Variants in COL23A1 observed in about 807,000 individuals in gnomAD.
COL23A1 encodes the protein collagen type XXIII alpha 1 chain, also known as collagen alpha-1(XXIII) chain.
COL23A1 carries 97 observed loss-of-function variants against 99.3 expected under a neutral mutation model. The observed-to-expected ratio is 0.98, with a 90% confidence interval of 0.83 to 1.16. The LOEUF (loss-of-function observed/expected upper bound fraction) is 1.16, where lower values mean the gene tolerates loss of function less well. COL23A1 is among the 50% of genes most tolerant of loss of function. The pLI is 0.00. For synonymous variants in COL23A1, 320 were observed against 308.2 expected, an observed-to-expected ratio of 1.04 and a Z score of -0.40; for missense variants, 762 against 757.4, an observed-to-expected ratio of 1.01 and a Z score of -0.07.
Position 178,330,887 on chromosome 5 carries a change from C to T in COL23A1, c.362-23968G>A, listed in dbSNP as rs200553945. Among the ~76,000 whole-genome samples, 472 of 152,316 alleles carry T rather than the reference C, an allele frequency of 3.1e-3. 1 individual carries two copies. Among genetic ancestry groups the T allele is most frequent in the Non-Finnish European group, 5.8e-3 (395 of 68,030 alleles). ...TGGCTACTTCTTGTCACTCAGGTCT[C>T]AGCTCAGTGTCACTTCATCAAAGAG... On this transcript the variant is annotated intron_variant, in intron 2 of 28. Transcript: ENST00000390654.
At chr5:178,535,569 C>T (rs1393190654) in intron 2 of COL23A1, among the ~76,000 whole-genome samples, 1 of 152,268 alleles carries the variant, frequency 6.6e-6, no homozygotes, top group Non-Finnish European at 1.5e-5. Flanking sequence ...AACCCTGGTG[C>T]CTCAGCCCCT....
chr5:178,305,581 G>T (rs1000749474), intron 3 of COL23A1, among the ~76,000 whole-genome samples: 1 of 152,230 alleles, frequency 6.6e-6, no homozygotes, highest in African/African-American at 2.4e-5. Flanking sequence ...AACCATTAGA[G>T]GTTTTTTTGG....
At chr5:178,386,387 T>C (rs1763674261) in intron 2 of COL23A1, among the ~76,000 whole-genome samples, 1 of 151,226 alleles carries the variant, frequency 6.6e-6, no homozygotes, top group South Asian at 2.1e-4. Flanking sequence ...TGCAGTGAGC[T>C]GAGATTGCAC....
intron 2 of COL23A1, among the ~76,000 whole-genome samples, chr5:178,498,305 C>T (rs1758343346): frequency 7.2e-6 from 1 of 139,086 alleles, no homozygotes. Flanking sequence ...TAAAGAAACA[C>T]ATTTTACCTT....
At chr5:178,245,250 CTCA>C (rs1764617759) in intron 25 of COL23A1, among the ~76,000 whole-genome samples, 2 of 144,342 alleles carry the variant, frequency 1.4e-5, no homozygotes, top group South Asian at 2.3e-4. Flanking sequence ...CACCCATCCA[CTCA>C]TCATCTATCA....
rs115842060 is a variant in COL23A1, at chr5:178,421,270, C to T, written c.362-114351G>A. 6.8e-3 allele frequency among the ~76,000 whole-genome samples: 1,038 copies of T among 152,284 alleles called. 17 individuals are homozygous for T. The highest frequency in any genetic ancestry group is 0.024 in the African/African-American group (982 of 41,540). Reference sequence around the variant, plus strand: ...ATTTCTCTATAGGAGAAGAGCAACACGTAACTGGGCAGACACTGGACTTGG... The same window carrying T: ...ATTTCTCTATAGGAGAAGAGCAACATGTAACTGGGCAGACACTGGACTTGG... On this transcript the variant is annotated intron_variant, in intron 2 of 28. Transcript: ENST00000390654.
At chr5:178,303,355 C>T (rs778727416) in intron 3 of COL23A1, among the ~76,000 whole-genome samples, 2 of 152,196 alleles carry the variant, frequency 1.3e-5, no homozygotes, top group African/African-American at 4.8e-5. Context: ...TAAAATGCTA[C>T]AAATCTTACT....
chr5:178,449,940 A>G lies in COL23A1; in HGVS notation c.361+110742T>C, dbSNP rs577938128. On this transcript the variant is annotated intron_variant, in intron 2 of 28. Transcript: ENST00000390654. Reference sequence around the variant, plus strand: ...GACCGTATACCCGGCGCAGAAGAACAACACCTGACCTCCATTAACAGTGTC... The same window carrying G: ...GACCGTATACCCGGCGCAGAAGAACGACACCTGACCTCCATTAACAGTGTC... 5.3e-5 allele frequency among the ~76,000 whole-genome samples: 8 copies of G among 152,208 alleles called. No homozygotes were observed. In the South Asian group the frequency reaches 1.7e-3, roughly 32 times the overall value.
chr5:178,588,799 C>A (rs1764124510), intron 1 of COL23A1, among the ~76,000 whole-genome samples: 1 of 152,176 alleles, frequency 6.6e-6, no homozygotes, highest in Non-Finnish European at 1.5e-5. Context: ...CAGCTGGATA[C>A]GTTAATAAAG....
intron 19 of COL23A1, among the ~76,000 whole-genome samples, chr5:178,248,614 C>T (rs1157151950): frequency 1.3e-5 from 2 of 152,148 alleles, no homozygotes; most frequent in Non-Finnish European, 1.5e-5. Flanking sequence ...CTCTTCCAGT[C>T]GGGCCACAAA....
chr5:178,304,670 C>T (rs1034624024), intron 3 of COL23A1, among the ~76,000 whole-genome samples: 3 of 152,168 alleles, frequency 2.0e-5, no homozygotes, highest in African/African-American at 4.8e-5. Flanking sequence ...CAGAGAGGCA[C>T]GTCTGTTCTG....
At chr5:178,364,403 G>A (rs1474359623) in intron 2 of COL23A1, among the ~76,000 whole-genome samples, 1 of 151,766 alleles carries the variant, frequency 6.6e-6, no homozygotes, top group African/African-American at 2.4e-5. Flanking sequence ...TGAGCTGAGG[G>A]TGAAGCAGGC....
chr5:178,557,726 A>C (rs1762352801), intron 2 of COL23A1, among the ~76,000 whole-genome samples: 1 of 152,226 alleles, frequency 6.6e-6, no homozygotes, highest in African/African-American at 2.4e-5. Flanking sequence ...CCCGAGGGAC[A>C]CGCTGGAGAG....
At chr5:178,543,756 A>T (rs560867180) in intron 2 of COL23A1, among the ~76,000 whole-genome samples, 1 of 152,250 alleles carries the variant, frequency 6.6e-6, no homozygotes. Context: ...AATACTATGA[A>T]TTGCATGGCT....
Position 178,439,395 on chromosome 5 carries a change from C to T in COL23A1, c.361+121287G>A. The stretch of plus-strand genomic sequence containing the variant: ...CTTCCATGCCAGACCCTGTTGAACA[C>T]ATCCCTGGACTCCAGCTCCTTGTCT... On this transcript the variant is annotated intron_variant, in intron 2 of 28. Transcript: ENST00000390654. The surrounding 1 kb of genome is among the most constrained non-coding windows in gnomAD (Gnocchi z 4.2). The T allele has an allele frequency of 6.6e-6, 1 of 152,390 alleles. No individual in the cohort carries two copies. Among genetic ancestry groups the T allele is most frequent in the Non-Finnish European group, 1.5e-5 (1 of 68,102 alleles). The allele number at this position is 152,390 out of a possible 1,614,324, so 9.4% of individuals were successfully genotyped here.
chr5:178,286,872 A>G (rs1419442403), intron 5 of COL23A1, among the ~76,000 whole-genome samples: 3 of 152,060 alleles, frequency 2.0e-5, no homozygotes, highest in Non-Finnish European at 4.4e-5. Flanking sequence ...CAGAGGAAAC[A>G]ATGGAGAAGA....
chr5:178,358,539 T>TGC (rs1761962631), intron 2 of COL23A1, among the ~76,000 whole-genome samples: 1 of 119,108 alleles, frequency 8.4e-6, no homozygotes, highest in Admixed American at 8.7e-5. Context: ...CTAGTGTGTG[T>TGC]ATGTGTGTGT....
Position 178,255,162 on chromosome 5 carries a change from C to T in COL23A1, c.883-136G>A, listed in dbSNP as rs1765237070. Reference sequence around the variant, plus strand: ...TCACCCAGGCTGCACGCATGCCCCTCCCCAGGGTGGATGGAGGGAACGGGA... The same window carrying T: ...TCACCCAGGCTGCACGCATGCCCCTTCCCAGGGTGGATGGAGGGAACGGGA... On this transcript the variant is annotated intron_variant, in intron 15 of 28. Transcript: ENST00000390654. The surrounding 1 kb of genome is among the most constrained non-coding windows in gnomAD (Gnocchi z 4.2). 4.2e-6 allele frequency: 3 copies of T among 711,744 alleles called. No homozygotes were observed. Among genetic ancestry groups the T allele is most frequent in the Non-Finnish European group, 7.3e-6 (3 of 409,492 alleles). The allele number at this position is 711,744 out of a possible 1,614,324, so 44.1% of individuals were successfully genotyped here. A position where few individuals can be genotyped will look rare whatever the true frequency, so the allele number is the denominator to read the frequency against.
At chr5:178,583,978 C>T (rs1421131497) in intron 1 of COL23A1, among the ~76,000 whole-genome samples, 2 of 152,194 alleles carry the variant, frequency 1.3e-5, no homozygotes, top group Admixed American at 6.5e-5. Context: ...ATCCTCACAC[C>T]TCAGTGTCTC....
Sources: allele counts gnomAD v4.1 joint callset (sites outside exome capture counted in the v4.1 genomes callset), GRCh38; gene constraint gnomAD v4.1.1; non-coding constraint Gnocchi (gnomAD v3.1); transcripts MANE v1.5; gene names NCBI Gene and HGNC (gene_info 2026-07-23, HGNC 2026-07-21).